Variants in KCNIP4 observed in about 807,000 individuals in gnomAD.
KCNIP4 encodes the protein Kv channel-interacting protein 4.
KCNIP4 carries 12 observed loss-of-function variants against 34.0 expected under a neutral mutation model. That is an observed-to-expected ratio of 0.35 (90% CI 0.23 to 0.57). KCNIP4 has a LOEUF of 0.57. Ranked by LOEUF, KCNIP4 falls within the 20% of genes least tolerant of loss-of-function variation. The pLI, the probability that KCNIP4 is intolerant of heterozygous loss-of-function variation, is 0.83. For missense variants in KCNIP4, 238 were observed against 311.7 expected (o/e 0.76, Z 1.78); for synonymous variants, 124 against 102.2 (o/e 1.21, Z -1.29).
chr4:20,752,195 A>T lies in KCNIP4; in HGVS notation c.359-2463T>A, dbSNP rs567204710. On this transcript the variant is annotated intron_variant, in intron 4 of 8. Coordinates refer to ENST00000382152, the MANE Select transcript of KCNIP4 (RefSeq NM_025221.6). ...TGCCTCAGCCTCCTGAGTAGCTGGG[A>T]TTACAGGCACCTGCCACCATGCCCG... Among the ~76,000 whole-genome samples the T allele has an allele frequency of 1.4e-3, 218 of 151,148 alleles. 1 individual carries two copies. The highest frequency in any genetic ancestry group is 2.5e-3 in the Non-Finnish European group (170 of 67,900).
At chr4:21,230,136 G>A (rs10024355) in intron 1 of KCNIP4, among the ~76,000 whole-genome samples, 33,080 of 151,898 alleles carry the variant, frequency 0.22, 6,169 homozygotes, top group African/African-American at 0.51. Flanking sequence ...CATGCAATAG[G>A]AATACAGCCT....
At chr4:21,025,764 C>T (rs1740509749) in intron 1 of KCNIP4, among the ~76,000 whole-genome samples, 1 of 151,858 alleles carries the variant, frequency 6.6e-6, no homozygotes, top group Admixed American at 6.6e-5. Context: ...CCGTGTTAGC[C>T]AGGATGGTCT....
intron 1 of KCNIP4, among the ~76,000 whole-genome samples, chr4:21,519,363 C>CGTATATGTATGTGTATATAT (rs1735069961): frequency 4.2e-5 from 6 of 141,268 alleles, no homozygotes; most frequent in East Asian, 2.2e-4. Context: ...CACACACACA[C>CGTATATGTATGTGTATATAT]ACACACACAC....
chr4:21,159,069 C>G (rs566086818), intron 1 of KCNIP4, among the ~76,000 whole-genome samples: 12 of 152,248 alleles, frequency 7.9e-5, no homozygotes, highest in Non-Finnish European at 1.6e-4. Context: ...ACCAAACTCA[C>G]AGCGGGCATT....
chr4:20,954,554 T>C (rs1733104235), intron 1 of KCNIP4, among the ~76,000 whole-genome samples: 1 of 152,078 alleles, frequency 6.6e-6, no homozygotes, highest in Non-Finnish European at 1.5e-5. Flanking sequence ...CAAGGTATAA[T>C]GAAACAACAA....
At chr4:21,351,304 T>A (rs192586480) in intron 1 of KCNIP4, among the ~76,000 whole-genome samples, 503 of 152,260 alleles carry the variant, frequency 3.3e-3, no homozygotes, top group Non-Finnish European at 5.6e-3. Flanking sequence ...TGGGAGGTAA[T>A]TGAATCATGG....
intron 1 of KCNIP4, among the ~76,000 whole-genome samples, chr4:21,644,164 CAAT>C (rs1746838908): frequency 6.6e-6 from 1 of 152,044 alleles, no homozygotes; most frequent in Admixed American, 6.6e-5. Flanking sequence ...CTCAAGATTG[CAAT>C]GTAGTTACCA....
chr4:21,797,073 A>G (rs1324500816), intron 1 of KCNIP4, among the ~76,000 whole-genome samples: 1 of 152,138 alleles, frequency 6.6e-6, no homozygotes, highest in Non-Finnish European at 1.5e-5. Flanking sequence ...CTTCTTCTCA[A>G]CTGCATCCTT....
chr4:21,517,495 A>C (rs1326091234), intron 1 of KCNIP4, among the ~76,000 whole-genome samples: 1 of 152,206 alleles, frequency 6.6e-6, no homozygotes, highest in Non-Finnish European at 1.5e-5. Context: ...GGAGGTACAT[A>C]GTAAAATTGG....
At chr4:21,030,060 T>C (rs1213770585) in intron 1 of KCNIP4, among the ~76,000 whole-genome samples, 2 of 152,308 alleles carry the variant, frequency 1.3e-5, no homozygotes, top group Admixed American at 1.3e-4. Context: ...CCTTCGGTCA[T>C]GGACTGGAAC....
intron 1 of KCNIP4, among the ~76,000 whole-genome samples, chr4:21,667,092 A>G (rs897867926): frequency 5.9e-5 from 9 of 152,340 alleles, no homozygotes; most frequent in African/African-American, 2.2e-4. Flanking sequence ...CACCCCATGG[A>G]GAAACTTGAA....
At position 21,221,000 on chromosome 4, in the gene KCNIP4, T is replaced by C. The variant is rs146090279; in HGVS notation, c.62-338291A>G. Reference sequence around the variant, plus strand: ...TAGAAAAATAGGTTGGAACCAGCAATAAAGAGCCCTCCAAGCCTCCAAGGT... The same window carrying C: ...TAGAAAAATAGGTTGGAACCAGCAACAAAGAGCCCTCCAAGCCTCCAAGGT... On this transcript the variant is annotated intron_variant, in intron 1 of 8. Transcript: ENST00000382152. Among the ~76,000 whole-genome samples, 437 of 152,192 alleles carry C rather than the reference T, an allele frequency of 2.9e-3. 4 individuals carry two copies. The highest frequency in any genetic ancestry group is 9.8e-3 in the African/African-American group (407 of 41,544).
chr4:21,152,346 T>C (rs1752817357), intron 1 of KCNIP4, among the ~76,000 whole-genome samples: 1 of 152,218 alleles, frequency 6.6e-6, no homozygotes, highest in South Asian at 2.1e-4. Flanking sequence ...TTAGAGCCAC[T>C]CATCTAATGT....
At chr4:21,488,826 AG>A (rs985948082) in intron 1 of KCNIP4, among the ~76,000 whole-genome samples, 1 of 152,082 alleles carries the variant, frequency 6.6e-6, no homozygotes, top group Non-Finnish European at 1.5e-5. Context: ...AAAATAAGAA[AG>A]GGTTGAAGGG....
intron 1 of KCNIP4, among the ~76,000 whole-genome samples, chr4:21,787,827 A>T (rs1050211451): frequency 6.6e-6 from 1 of 152,186 alleles, no homozygotes; most frequent in Non-Finnish European, 1.5e-5. Flanking sequence ...TCAACATTAG[A>T]CATTGATTCT....
intron 1 of KCNIP4, among the ~76,000 whole-genome samples, chr4:21,365,836 A>G (rs963895908): frequency 5.9e-5 from 9 of 152,224 alleles, no homozygotes; most frequent in African/African-American, 2.2e-4. Context: ...AGTTTTAAGC[A>G]GCTCATATCT....
Position 20,742,302 on chromosome 4 carries a change from G to A in KCNIP4, c.429+7360C>T, listed in dbSNP as rs187165432. 2.7e-3 allele frequency among the ~76,000 whole-genome samples: 407 copies of A among 152,232 alleles called. 5 individuals carry two copies. Among genetic ancestry groups the A allele is most frequent in the African/African-American group, 9.1e-3 (379 of 41,542 alleles). On this transcript the variant is annotated intron_variant, in intron 5 of 8. Coordinates refer to ENST00000382152, the MANE Select transcript of KCNIP4 (RefSeq NM_025221.6). ...TAGACCAATATCCCTGCTGAACATCGATGCAAAAATCCTCAATAAAATATT... is the reference window on the plus strand; with the variant it reads ...TAGACCAATATCCCTGCTGAACATCAATGCAAAAATCCTCAATAAAATATT...
chr4:21,884,764 C>A (rs1726662545), intron 1 of KCNIP4, among the ~76,000 whole-genome samples: 1 of 152,030 alleles, frequency 6.6e-6, no homozygotes, highest in African/African-American at 2.4e-5. Flanking sequence ...TACTGTCCCC[C>A]TCTCTCACTA....
chr4:21,422,515 C>CA (rs1725567495), intron 1 of KCNIP4, among the ~76,000 whole-genome samples: 1 of 151,896 alleles, frequency 6.6e-6, no homozygotes, highest in Admixed American at 6.6e-5. Context: ...ACCTTTTTAA[C>CA]AAGCCATAGG....
Sources: allele counts gnomAD v4.1 joint callset (sites outside exome capture counted in the v4.1 genomes callset), GRCh38; gene constraint gnomAD v4.1.1; transcripts MANE v1.5; gene names NCBI Gene and HGNC (gene_info 2026-07-23, HGNC 2026-07-21).